Variants in VARS2 observed in about 807,000 individuals in gnomAD.
The protein encoded by VARS2 is valine--tRNA ligase, mitochondrial.
VARS2 carries 105 observed loss-of-function variants against 154.1 expected under a neutral mutation model. That is an observed-to-expected ratio of 0.68 (90% confidence interval 0.58 to 0.80). The LOEUF is 0.80. VARS2 is among the 30% of genes least tolerant of loss of function. The probability of loss-of-function intolerance (pLI) is 0.00; values close to 1 mark genes in which losing one functional copy is unlikely to be tolerated. For synonymous variants in VARS2, 483 were observed against 539.5 expected (o/e 0.90, Z 1.45); for missense variants, 1,157 against 1,361.4 (o/e 0.85, Z 2.36).
In VARS2 at chr6:30,916,823, G is replaced by A; in HGVS notation, c.672-55G>A. ...CATTGCTGGGGGCATCGCTGGGCCT[G>A]GTACATAGGAAGTGCTTGGGAAGTG... On this transcript the variant is annotated intron_variant, in intron 7 of 29. Transcript: ENST00000676266. This position sits in a 1 kb window ranked among gnomAD's most constrained non-coding sequence, Gnocchi z 4.0. The A allele has an allele frequency of 6.3e-7, 1 of 1,587,138 alleles. No homozygotes were observed. The highest frequency in any genetic ancestry group is 8.7e-7 in the Non-Finnish European group (1 of 1,155,634).
chr6:30,915,369 C>G lies in VARS2; in HGVS notation c.298C>G (p.Leu100Val), dbSNP rs779132614. 13 of 1,614,218 alleles carry G rather than the reference C, an allele frequency of 8.1e-6. No homozygotes were observed. In the East Asian group the frequency reaches 2.9e-4, roughly 36 times the overall value. The change falls in exon 4 of 30, where the codon CTG (leucine) becomes GTG (valine). Residue 100 changes from leucine to valine, a missense_variant. Leu to Val is a conservative substitution (Grantham distance 32). Transcript: ENST00000676266. ...TGCCTTCACAGATGTCTCTGGGCCC[C>G]TGCCTCCTGCATACAGCCCCCGATA... ...PGEKKDVSGP[L>V]PPAYSPRYVE...
Position 30,925,283 on chromosome 6 carries a change from C to T in VARS2, c.2683C>T (p.Arg895Cys), listed in dbSNP as rs1258140939. The change falls in exon 27 of 30, where the codon CGC (arginine) becomes TGC (cysteine). Residue 895 changes from arginine to cysteine, a missense_variant. Physicochemically the swap from Arg to Cys is radical, Grantham distance 180 (BLOSUM62 -3). Transcript: ENST00000676266. ...TCCCCCCCATTGCCAGGAGCACTGG[C>T]GCCAGCCAGAGCTGGAGCGGCGCTT... The part of the protein sequence containing the change: ...YPSACSLEHW[R>C]QPELERRFSR... 8.1e-6 allele frequency: 13 copies of T among 1,611,086 alleles called. No homozygotes were observed. The highest frequency in any genetic ancestry group is 4.0e-5 in the African/African-American group (3 of 74,906).
chr6:30,914,518 C>G lies in VARS2; in HGVS notation c.-28+174C>G, dbSNP rs781498363. ...GGGACTCCTTGCTGGCTCTTGGGCG[C>G]GCTGATGCCCATCATCTCCCTGAGT... On this transcript the variant is annotated intron_variant, in intron 1 of 29. Transcript: ENST00000676266. 5.2e-6 allele frequency: 7 copies of G among 1,339,802 alleles called. No individual in the cohort carries two copies. The South Asian group carries it at 1.2e-4, about 24-fold the overall frequency. The allele number at this position is 1,339,802 out of a possible 1,614,324, so 83.0% of individuals were successfully genotyped here.
chr6:30,914,516 C>T, intron 1 of VARS2, 172 bp downstream of exon 1: 4 of 1,339,622 alleles, frequency 3.0e-6, no homozygotes, highest in Non-Finnish European at 2.9e-6. Flanking sequence ...GGCTCTTGGG[C>T]GCGCTGATGC....
chr6:30,920,218 T>G lies in VARS2; in HGVS notation c.1293+2T>G. 1 of 1,566,694 alleles carries G rather than the reference T, an allele frequency of 6.4e-7. No homozygotes were observed. ...TCCCTCTGCGGGGACTGGCTGCAGG[T>G]GGTACCACCCTATGTTACCCCATCC... On this transcript the variant is annotated splice_donor_variant, in intron 13 of 29. Coordinates refer to ENST00000676266, the MANE Select transcript of VARS2 (RefSeq NM_020442.6). LOFTEE classifies it high-confidence loss of function. The surrounding 1 kb of genome is among the most constrained non-coding windows in gnomAD (Gnocchi z 4.6).
chr6:30,922,265 C>A (rs375480757), intron 20 of VARS2, 24 bp downstream of exon 20: 44 of 1,604,410 alleles, frequency 2.7e-5, no homozygotes, highest in Non-Finnish European at 3.7e-5. Context: ...AGTGCCCTGC[C>A]GCTTTCTGTG....
At position 30,920,313 on chromosome 6, in the gene VARS2, T is replaced by C; in HGVS notation, c.1294-20T>C. On this transcript the variant is annotated intron_variant, in intron 13 of 29. Coordinates refer to ENST00000676266, the MANE Select transcript of VARS2 (RefSeq NM_020442.6). This position sits in a 1 kb window ranked among gnomAD's most constrained non-coding sequence, Gnocchi z 4.6. The stretch of plus-strand genomic sequence containing the variant: ...TTCTCTAGAGGCCTTCAGTCTTTAC[T>C]CTTGCCGCTTTTTCTCCAGGGTCTT... The C allele has an allele frequency of 6.2e-7, 1 of 1,600,164 alleles. No homozygotes were observed.
At position 30,925,927 on chromosome 6, in the gene VARS2, G is replaced by T; in HGVS notation, c.3009G>T (p.Arg1003Ser). 1 of 1,613,082 alleles carries T rather than the reference G, an allele frequency of 6.2e-7. No homozygotes were observed. The highest frequency in any genetic ancestry group is 8.5e-7 in the Non-Finnish European group (1 of 1,180,034). ...AGCTACCTCTGTTAGCCGCCCGAAG[G>T]TACAAGTTGCAGAAGCAGCTTGACA... is the stretch of plus-strand genomic sequence containing the variant. ...QIQLPLLAAR[R>S]YKLQKQLDSL... The change falls in exon 29 of 30, where the codon AGG becomes AGT. Residue 1003 changes from arginine (R) to serine (S), a missense_variant. Transcript: ENST00000676266.
Position 30,926,158 on chromosome 6 carries a change from A to C in VARS2, c.3140A>C (p.His1047Pro). The change falls in exon 30 of 30, where the codon CAC (histidine) becomes CCC (proline). Residue 1047 changes from histidine (H) to proline (P), a missense_variant. By Grantham distance (77) the His-to-Pro change is moderately conservative. Transcript: ENST00000676266. ...ELSKLDKAAS[H>P]LRQLMDEPPA... ...TCAAAACTGGACAAGGCAGCCTCTC[A>C]CCTCCGGCAGCTGATGGATGAGCCT... is the stretch of plus-strand genomic sequence containing the variant. 1 of 1,612,944 alleles carries C rather than the reference A, an allele frequency of 6.2e-7. No individual in the cohort carries two copies.
At position 30,917,078 on chromosome 6, in the gene VARS2, T is replaced by C. The variant is rs1357627016; in HGVS notation, c.754-27T>C. 4.3e-6 allele frequency: 7 copies of C among 1,614,018 alleles called. No individual in the cohort carries two copies. Among genetic ancestry groups the C allele is most frequent in the Non-Finnish European group, 5.9e-6 (7 of 1,180,022 alleles). On this transcript the variant is annotated intron_variant, in intron 8 of 29. Coordinates refer to ENST00000676266, the MANE Select transcript of VARS2 (RefSeq NM_020442.6). This position sits in a 1 kb window ranked among gnomAD's most constrained non-coding sequence, Gnocchi z 4.4. ...GGGTGATGGGCTGAGAAGTGGCTCT[T>C]AGAGGTGGACACTCAGGTCATTCCA... is the stretch of plus-strand genomic sequence containing the variant.
In VARS2 at chr6:30,916,348, G is replaced by A; in HGVS notation, c.671+99G>A. On this transcript the variant is annotated intron_variant, in intron 7 of 29. Coordinates refer to ENST00000676266, the MANE Select transcript of VARS2 (RefSeq NM_020442.6). This position sits in a 1 kb window ranked among gnomAD's most constrained non-coding sequence, Gnocchi z 4.0. ...TGACTTGTAATCCTTGGCTCTTCCC[G>A]ACACAGCTCTGACTTCCTCAGAGAT... The A allele has an allele frequency of 6.7e-6, 7 of 1,042,550 alleles. No individual in the cohort carries two copies. The highest frequency in any genetic ancestry group is 2.8e-5 in the Admixed American group (1 of 35,210). 64.6% of individuals were successfully genotyped at this position (1,042,550 alleles called of 1,614,324 possible). A position where few individuals can be genotyped will look rare whatever the true frequency, so the allele number is the denominator to read the frequency against.
chr6:30,924,647 A>C (rs1794733605), intron 26 of VARS2, 87 bp downstream of exon 26: 1 of 722,636 alleles, frequency 1.4e-6, no homozygotes, highest in African/African-American at 1.8e-5. Flanking sequence ...GCTCATCTGC[A>C]GGAATGGTTC....
At position 30,922,253 on chromosome 6, in the gene VARS2, T is replaced by G; in HGVS notation, c.1932+12T>G. ...TGCCCTTCAGCAAGGTAAGAGCCCT[T>G]CAGTGCCCTGCCGCTTTCTGTGACT... On this transcript the variant is annotated intron_variant, in intron 20 of 29. Transcript: ENST00000676266. The G allele has an allele frequency of 6.2e-7, 1 of 1,608,168 alleles. No homozygotes were observed.
Position 30,914,947 on chromosome 6 carries a change from TC to T in VARS2, c.114del (p.Ile39SerfsTer24). ...CTACACAGTCGGAGCCCCATGGATCTCCCATCTCCCGGAGGAACCGTGAAGC... is the reference window on the plus strand; with the variant it reads ...CTACACAGTCGGAGCCCCATGGATCTCCATCTCCCGGAGGAACCGTGAAGC... ...VSTQSEPHGS[P>X]ISRRNREAKQ... On this transcript the variant is annotated frameshift_variant, in exon 2 of 30. Transcript: ENST00000676266. LOFTEE classifies it high-confidence loss of function. 6.2e-7 allele frequency: 1 copy of T among 1,612,990 alleles called. No homozygotes were observed. Among genetic ancestry groups the T allele is most frequent in the Non-Finnish European group, 8.5e-7 (1 of 1,180,004 alleles).
In VARS2 at chr6:30,921,250, A is replaced by T; in HGVS notation, c.1577A>T (p.Gln526Leu). ...GGCAGGGACTGGTGTGTCTCCCGGC[A>T]GCTGTGGTGGGGCCATCAGATTCCA... The part of the protein sequence containing the change: ...SHIGDWCVSR[Q>L]LWWGHQIPAY... Residue 526 changes from glutamine to leucine, a missense_variant, in exon 17 of 30, where the codon CAG (glutamine) becomes CTG (leucine). Gln to Leu is a moderately radical substitution (Grantham distance 113). Transcript: ENST00000676266. This position sits in a 1 kb window ranked among gnomAD's most constrained non-coding sequence, Gnocchi z 4.6. The T allele has an allele frequency of 6.2e-7, 1 of 1,614,092 alleles. No homozygotes were observed. Among genetic ancestry groups the T allele is most frequent in the Non-Finnish European group, 8.5e-7 (1 of 1,180,020 alleles).
At position 30,923,459 on chromosome 6, in the gene VARS2, A is replaced by C; in HGVS notation, c.2420A>C (p.His807Pro). ...ACCCGAGAGCTCTCGCTCGTCACTC[A>C]TGCCCTGCACCACTTCTGGCTTCAC... ...FLTRELSLVT[H>P]ALHHFWLHNL... is the part of the protein sequence containing the mutation. The change falls in exon 25 of 30, where the codon CAT becomes CCT. Residue 807 changes from histidine (H) to proline (P), a missense_variant. His to Pro is a moderately conservative substitution (Grantham distance 77, BLOSUM62 -2). Coordinates refer to ENST00000676266, the MANE Select transcript of VARS2 (RefSeq NM_020442.6). The C allele has an allele frequency of 6.2e-7, 1 of 1,612,298 alleles. No individual in the cohort carries two copies. Among genetic ancestry groups the C allele is most frequent in the Non-Finnish European group, 8.5e-7 (1 of 1,180,012 alleles).
chr6:30,926,140 T>G lies in VARS2; in HGVS notation c.3122T>G (p.Leu1041Arg), dbSNP rs776987270. 1 of 1,613,108 alleles carries G rather than the reference T, an allele frequency of 6.2e-7. No homozygotes were observed. The highest frequency in any genetic ancestry group is 8.5e-7 in the Non-Finnish European group (1 of 1,180,026). The change falls in exon 30 of 30, where the codon CTG (leucine) becomes CGG (arginine). Residue 1041 changes from leucine to arginine, a missense_variant. Physicochemically the swap from Leu to Arg is moderately radical, Grantham distance 102. Coordinates refer to ENST00000676266, the MANE Select transcript of VARS2 (RefSeq NM_020442.6). ...TCCCTCCAGCTGGAATTGTCAAAAC[T>G]GGACAAGGCAGCCTCTCACCTCCGG... ...LSSLQLELSK[L>R]DKAASHLRQL...
chr6:30,917,911 C>G lies in VARS2; in HGVS notation c.985+105C>G, dbSNP rs1387796443. ...CCCATCAGTCCATCTCTCACATGTA[C>G]CTTGGTAGTGTTCACCTCAGCGTGG... On this transcript the variant is annotated intron_variant, in intron 10 of 29. Transcript: ENST00000676266. This position sits in a 1 kb window ranked among gnomAD's most constrained non-coding sequence, Gnocchi z 4.4. 11 of 1,170,394 alleles carry G rather than the reference C, an allele frequency of 9.4e-6. No homozygotes were observed. The highest frequency in any genetic ancestry group is 1.4e-5 in the Non-Finnish European group (11 of 812,890). The allele number at this position is 1,170,394 out of a possible 1,614,324, so 72.5% of individuals were successfully genotyped here.
chr6:30,922,298 G>A, intron 20 of VARS2, 57 bp downstream of exon 20: 1 of 1,596,354 alleles, frequency 6.3e-7, no homozygotes. Context: ...CCCAAACCTT[G>A]TCCTCCCTTC....
Sources: allele counts gnomAD v4.1 joint callset, GRCh38; gene constraint gnomAD v4.1.1; non-coding constraint Gnocchi (gnomAD v3.1); transcripts MANE v1.5; gene names NCBI Gene and HGNC (gene_info 2026-07-23, HGNC 2026-07-21).